The following SLC9A9 variants were observed in gnomAD, a reference collection of about 807,000 sequenced individuals.
SLC9A9 encodes sodium/hydrogen exchanger 9.
In SLC9A9, 62 loss-of-function variants were observed where a neutral mutation model predicts 77.8. The observed-to-expected ratio is 0.80, with a 90% confidence interval of 0.65 to 0.98. SLC9A9 has a LOEUF of 0.98. SLC9A9 is among the 50% of genes least tolerant of loss of function. The pLI is 0.00. For synonymous variants in SLC9A9, 320 were observed against 283.5 expected (o/e 1.13, Z -1.29); for missense variants, 775 against 774.9 (o/e 1.00, Z 0.00).
chr3:143,385,107 C>T (rs766550272), intron 12 of SLC9A9, among the ~76,000 whole-genome samples: 3 of 151,914 alleles, frequency 2.0e-5, no homozygotes, highest in Non-Finnish European at 4.4e-5. Context: ...GTGTATGAAC[C>T]TTTTTATGAT....
chr3:143,298,699 C>T (rs1389339644), intron 14 of SLC9A9, among the ~76,000 whole-genome samples: 1 of 152,164 alleles, frequency 6.6e-6, no homozygotes, highest in South Asian at 2.1e-4. Context: ...AGTGAGAACA[C>T]AGAACATAAC....
intron 4 of SLC9A9, among the ~76,000 whole-genome samples, chr3:143,751,152 G>A (rs2006702815): frequency 6.6e-6 from 1 of 152,182 alleles, no homozygotes; most frequent in South Asian, 2.1e-4. Context: ...ATATTGCAGG[G>A]CGAGTCAAGA....
chr3:143,747,513 T>A (rs73154721), intron 4 of SLC9A9, among the ~76,000 whole-genome samples: 9,807 of 152,132 alleles, frequency 0.064, 357 homozygotes, highest in Middle Eastern at 0.077. Flanking sequence ...ATGCAATCAC[T>A]TCTATCCTTA....
At chr3:143,574,545 G>A (rs571553324) in intron 7 of SLC9A9, among the ~76,000 whole-genome samples, 1 of 152,174 alleles carries the variant, frequency 6.6e-6, no homozygotes, top group Non-Finnish European at 1.5e-5. Context: ...CAAGGAGAGT[G>A]TAGGGGGATG....
chr3:143,411,169 G>C (rs2034090431), intron 12 of SLC9A9, among the ~76,000 whole-genome samples: 1 of 152,168 alleles, frequency 6.6e-6, no homozygotes, highest in Non-Finnish European at 1.5e-5. Flanking sequence ...TAGATAATCA[G>C]TAAGTAACCT....
At chr3:143,353,899 A>C (rs1332263875) in intron 14 of SLC9A9, among the ~76,000 whole-genome samples, 3 of 152,234 alleles carry the variant, frequency 2.0e-5, no homozygotes, top group African/African-American at 7.2e-5. Flanking sequence ...TCTGTGACAG[A>C]AAGGAAACTT....
chr3:143,726,244 A>T (rs2108806369), intron 4 of SLC9A9, among the ~76,000 whole-genome samples: 1 of 56,616 alleles, frequency 1.8e-5, no homozygotes, highest in East Asian at 8.2e-4. Flanking sequence ...AGTTGGAAAT[A>T]AAAAAAGAAA....
At chr3:143,378,251 A>ATT (rs2033226387) in intron 13 of SLC9A9, among the ~76,000 whole-genome samples, 4 of 152,218 alleles carry the variant, frequency 2.6e-5, no homozygotes, top group African/African-American at 7.2e-5. Context: ...AGGAGTGGGT[A>ATT]CCAAGAATTA....
intron 4 of SLC9A9, among the ~76,000 whole-genome samples, chr3:143,756,772 A>G (rs186425046): frequency 6.6e-6 from 1 of 152,318 alleles, no homozygotes; most frequent in Non-Finnish European, 1.5e-5. Context: ...CCAAATGTGT[A>G]TGCTTCTTTT....
At chr3:143,521,984 C>T (rs146480645) in intron 9 of SLC9A9, among the ~76,000 whole-genome samples, 2 of 152,144 alleles carry the variant, frequency 1.3e-5, no homozygotes, top group African/African-American at 4.8e-5. Flanking sequence ...GTGAAGGTGA[C>T]ATCTTTGTGC....
At chr3:143,803,115 A>G (rs895196001) in intron 2 of SLC9A9, among the ~76,000 whole-genome samples, 1 of 152,052 alleles carries the variant, frequency 6.6e-6, no homozygotes, top group Non-Finnish European at 1.5e-5. Flanking sequence ...CATCTATAGT[A>G]CCCCAACTGC....
At chr3:143,493,134 T>A (rs557309835) in intron 11 of SLC9A9, among the ~76,000 whole-genome samples, 25 of 152,336 alleles carry the variant, frequency 1.6e-4, no homozygotes, top group African/African-American at 5.1e-4. Flanking sequence ...ACCTGGTGAG[T>A]GCTCAATTAA....
chr3:143,360,205 T>A (rs377205900), intron 14 of SLC9A9, among the ~76,000 whole-genome samples: 24 of 152,300 alleles, frequency 1.6e-4, no homozygotes, highest in African/African-American at 5.5e-4. Context: ...ATTTGTTTCC[T>A]CCACATCAAA....
chr3:143,795,969 G>C (rs1293923576), intron 3 of SLC9A9, among the ~76,000 whole-genome samples: 1 of 152,098 alleles, frequency 6.6e-6, no homozygotes, highest in Non-Finnish European at 1.5e-5. Flanking sequence ...AGAAAATCAG[G>C]TCTGTGATGA....
intron 5 of SLC9A9, among the ~76,000 whole-genome samples, chr3:143,667,114 G>A (rs1379668247): frequency 6.6e-6 from 1 of 152,172 alleles, no homozygotes; most frequent in East Asian, 1.9e-4. Context: ...AAACAGCATG[G>A]TACTGGTACC....
intron 4 of SLC9A9, among the ~76,000 whole-genome samples, chr3:143,738,182 C>G (rs551482911): frequency 1.3e-5 from 2 of 152,342 alleles, no homozygotes; most frequent in South Asian, 4.1e-4. Context: ...AGCCATTCTT[C>G]CTTCTGCAGT....
At chr3:143,653,371 A>G (rs1485168344) in intron 5 of SLC9A9, among the ~76,000 whole-genome samples, 2 of 152,244 alleles carry the variant, frequency 1.3e-5, no homozygotes, top group African/African-American at 4.8e-5. Context: ...AGCAATCATT[A>G]GGAAAATGAT....
chr3:143,777,443 A>G (rs1470493176), intron 4 of SLC9A9, among the ~76,000 whole-genome samples: 2 of 152,218 alleles, frequency 1.3e-5, no homozygotes, highest in Non-Finnish European at 2.9e-5. Context: ...TAGTTTTCTG[A>G]TTAACTTGCA....
At chr3:143,395,389 A>G (rs1021415234) in intron 12 of SLC9A9, among the ~76,000 whole-genome samples, 10 of 152,336 alleles carry the variant, frequency 6.6e-5, no homozygotes, top group African/African-American at 2.4e-4. Context: ...AAAACTGGCT[A>G]GCCATATGTA....
Sources: allele counts gnomAD v4.1 joint callset (sites outside exome capture counted in the v4.1 genomes callset), GRCh38; gene constraint gnomAD v4.1.1; transcripts MANE v1.5; gene names NCBI Gene and HGNC (gene_info 2026-07-23, HGNC 2026-07-21).